The following ATP6V0D2 variants were observed in gnomAD, a reference collection of about 807,000 sequenced individuals.
ATP6V0D2 encodes ATPase H+ transporting V0 subunit d2, also known as V-type proton ATPase subunit d 2.
In ATP6V0D2, 40 loss-of-function variants were observed where a neutral mutation model predicts 40.0. That is an observed-to-expected ratio of 1.00 (90% CI 0.78 to 1.30). The LOEUF (loss-of-function observed/expected upper bound fraction) is 1.30. Ranked by LOEUF, ATP6V0D2 falls within the 50% of genes most tolerant of loss-of-function variation. The pLI, the probability that ATP6V0D2 is intolerant of heterozygous loss-of-function variation, is 0.00. For missense variants in ATP6V0D2, 470 were observed against 423.1 expected (o/e 1.11, Z -0.97); for synonymous variants, 179 against 156.3 (o/e 1.15, Z -1.08).
At chr8:86,122,447 A>G (rs1818682807) in intron 2 of ATP6V0D2, among the ~76,000 whole-genome samples, 1 of 152,222 alleles carries the variant, frequency 6.6e-6, no homozygotes, top group Admixed American at 6.5e-5. Flanking sequence ...GGTGTGCTGT[A>G]CATTAGGGTA....
In ATP6V0D2 at chr8:86,098,952, C is replaced by T. The variant is rs1563553071; in HGVS notation, c.-27C>T. The T allele has an allele frequency of 1.2e-6, 2 of 1,610,042 alleles. No individual in the cohort carries two copies. The highest frequency in any genetic ancestry group is 1.7e-6 in the Non-Finnish European group (2 of 1,178,236). On this transcript the variant is annotated 5_prime_UTR_variant, in exon 1 of 8. Transcript: ENST00000285393. ...GTCCAGGACTACAGAGCTGTTTCACCCTACCTTGGCTTCAATCTCTTCCCC... is the reference window on the plus strand; with the variant it reads ...GTCCAGGACTACAGAGCTGTTTCACTCTACCTTGGCTTCAATCTCTTCCCC...
chr8:86,141,365 G>A, intron 3 of ATP6V0D2, 85 bp from the exon 4 acceptor site: 2 of 914,282 alleles, frequency 2.2e-6, no homozygotes, highest in South Asian at 3.0e-5. Flanking sequence ...GGAGTGAGCA[G>A]AGGGTGGTGT....
intron 1 of ATP6V0D2, among the ~76,000 whole-genome samples, chr8:86,101,180 C>T (rs1291538433): frequency 2.7e-5 from 4 of 148,920 alleles, no homozygotes; most frequent in Admixed American, 6.7e-5. Flanking sequence ...GAAAATAGGT[C>T]GGGTATAGTG....
At chr8:86,105,336 C>T (rs2130228115) in intron 1 of ATP6V0D2, among the ~76,000 whole-genome samples, 1 of 152,198 alleles carries the variant, frequency 6.6e-6, no homozygotes, top group South Asian at 2.1e-4. Flanking sequence ...CTGGCTCTGA[C>T]ACCCAGGCTG....
intron 2 of ATP6V0D2, 62 bp downstream of exon 2, chr8:86,113,942 T>C (rs1818561893): frequency 6.9e-7 from 1 of 1,459,006 alleles, no homozygotes; most frequent in Non-Finnish European, 9.2e-7. Context: ...CCCCTAACAA[T>C]TACAGGGTGG....
rs1326853579 is a variant in ATP6V0D2 at position 86,113,709 on chromosome 8, A to G, written c.131A>G (p.Asp44Gly). Residue 44 changes from aspartate (D) to glycine (G), a missense_variant and splice_region_variant, in exon 2 of 8, where the codon GAC becomes GGC. Asp to Gly is a moderately conservative substitution (Grantham distance 94, BLOSUM62 -1). Coordinates refer to ENST00000285393, the MANE Select transcript of ATP6V0D2 (RefSeq NM_152565.1). ...GAATTGGGGTTTCATTTAATTTCAG[A>G]CCTGAAAATTCATCTCCAGACTACT... The part of the protein sequence containing the change: ...INLVQCETLE[D>G]LKIHLQTTDY... 1.3e-6 allele frequency: 2 copies of G among 1,589,598 alleles called. No individual in the cohort carries two copies. The highest frequency in any genetic ancestry group is 1.7e-6 in the Non-Finnish European group (2 of 1,166,708).
chr8:86,119,041 A>T (rs902118599), intron 2 of ATP6V0D2, among the ~76,000 whole-genome samples: 9 of 152,142 alleles, frequency 5.9e-5, no homozygotes, highest in African/African-American at 1.9e-4. Context: ...GACAGAGGGC[A>T]GCCCAATTTT....
intron 1 of ATP6V0D2, among the ~76,000 whole-genome samples, chr8:86,102,682 TGC>T (rs1818418623): frequency 6.6e-6 from 1 of 152,242 alleles, no homozygotes; most frequent in African/African-American, 2.4e-5. Context: ...CTTAATTGTG[TGC>T]ATAATTGGGT....
At chr8:86,124,676 A>G (rs1353193214) in intron 2 of ATP6V0D2, among the ~76,000 whole-genome samples, 1 of 152,162 alleles carries the variant, frequency 6.6e-6, no homozygotes, top group Non-Finnish European at 1.5e-5. Flanking sequence ...ATTATATACA[A>G]TATAGAGTTG....
At chr8:86,132,055 G>A (rs1325898562) in intron 2 of ATP6V0D2, among the ~76,000 whole-genome samples, 1 of 152,066 alleles carries the variant, frequency 6.6e-6, no homozygotes, top group African/African-American at 2.4e-5. Flanking sequence ...TCAGAACACT[G>A]TGCTGGGTTC....
At chr8:86,120,744 C>T (rs749997648) in intron 2 of ATP6V0D2, among the ~76,000 whole-genome samples, 1 of 152,034 alleles carries the variant, frequency 6.6e-6, no homozygotes, top group Admixed American at 6.6e-5. Flanking sequence ...TTTAAAATTA[C>T]GGAAATGGAG....
chr8:86,113,953 G>A, intron 2 of ATP6V0D2, 73 bp downstream of exon 2: 1 of 1,389,074 alleles, frequency 7.2e-7, no homozygotes, highest in Non-Finnish European at 9.7e-7. Flanking sequence ...TACAGGGTGG[G>A]TATCAAGCCA....
intron 1 of ATP6V0D2, among the ~76,000 whole-genome samples, chr8:86,112,282 G>A (rs1818536418): frequency 6.6e-6 from 1 of 152,122 alleles, no homozygotes; most frequent in African/African-American, 2.4e-5. Context: ...GAATAATTCT[G>A]CCTGAGATAA....
chr8:86,144,987 T>C (rs1450204906), intron 5 of ATP6V0D2, among the ~76,000 whole-genome samples: 1 of 116,270 alleles, frequency 8.6e-6, no homozygotes, highest in East Asian at 2.5e-4. Flanking sequence ...AAACCCTGTC[T>C]CTACTAACAA....
chr8:86,149,064 AAAAAAAAAAAAC>A (rs1819108405), intron 5 of ATP6V0D2, among the ~76,000 whole-genome samples: 3 of 149,570 alleles, frequency 2.0e-5, no homozygotes, highest in Non-Finnish European at 4.5e-5. Context: ...AGAAAAAAAA[AAAAAAAAAAAAC>A]CAATGAACAA....
At chr8:86,134,367 T>C (rs2721259) in intron 2 of ATP6V0D2, among the ~76,000 whole-genome samples, 65,214 of 152,090 alleles carry the variant, frequency 0.43, 16,593 homozygotes, top group African/African-American at 0.72. Flanking sequence ...CTTGAAACAA[T>C]GGGAAAAAAG....
In ATP6V0D2 at chr8:86,127,368, T is replaced by C. The variant is rs139613185; in HGVS notation, c.303-12089T>C. Among the ~76,000 whole-genome samples, 1,110 of 152,288 alleles carry C rather than the reference T, an allele frequency of 7.3e-3. 6 individuals carry two copies. The highest frequency in any genetic ancestry group is 0.041 in the Middle Eastern group (12 of 294). On this transcript the variant is annotated intron_variant, in intron 2 of 7. Transcript: ENST00000285393. ...AATATATTTGGTGTACTTTTATAAA[T>C]TATTTAATTCCTCAATGAAACTCGT...
intron 5 of ATP6V0D2, among the ~76,000 whole-genome samples, chr8:86,149,396 A>C (rs1204188804): frequency 2.0e-5 from 3 of 152,142 alleles, no homozygotes; most frequent in Non-Finnish European, 2.9e-5. Context: ...CCAGGTGCCT[A>C]GTGGTGTTCA....
At chr8:86,123,724 G>A (rs1818703195) in intron 2 of ATP6V0D2, among the ~76,000 whole-genome samples, 1 of 152,144 alleles carries the variant, frequency 6.6e-6, no homozygotes, top group Non-Finnish European at 1.5e-5. Context: ...TCTTATCAAA[G>A]AGACTAGGAA....
Sources: allele counts gnomAD v4.1 joint callset (sites outside exome capture counted in the v4.1 genomes callset), GRCh38; gene constraint gnomAD v4.1.1; transcripts MANE v1.5; gene names NCBI Gene and HGNC (gene_info 2026-07-23, HGNC 2026-07-21).